GLT1D1: variants seen among roughly 807,000 people sequenced by gnomAD.
The protein encoded by GLT1D1 is glycosyltransferase 1 domain containing 1, also known as glycosyltransferase 1 domain-containing protein 1.
GLT1D1 carries 21 observed loss-of-function variants against 28.7 expected under a neutral mutation model. The ratio of observed to expected loss-of-function variants is 0.73; its 90% CI spans 0.52 to 1.05. GLT1D1 has a LOEUF of 1.05. GLT1D1 is among the 50% of genes least tolerant of loss of function. The probability of loss-of-function intolerance (pLI) is 0.00; values close to 1 mark genes in which losing one functional copy is unlikely to be tolerated. For missense variants in GLT1D1, 343 were observed against 330.6 expected (o/e 1.04, Z -0.29); for synonymous variants, 147 against 124.8 (o/e 1.18, Z -1.19).
At position 128,888,644 on chromosome 12, in the gene GLT1D1, C is replaced by G. The variant is rs770732594; in HGVS notation, c.223C>G (p.Arg75Gly). The G allele has an allele frequency of 3.1e-6, 5 of 1,608,916 alleles. No individual in the cohort carries two copies. In the South Asian group the frequency reaches 3.3e-5, roughly 11 times the overall value. ...TGACTGTCATCGTTTTGCAGGCCAC[C>G]GAATCCCTTTTGGAGTCATCTTTGG... The change falls in exon 3 of 8, where the codon CGA (arginine) becomes GGA (glycine). Residue 75 changes from arginine (R) to glycine (G), a missense_variant. Arg to Gly is a moderately radical substitution (Grantham distance 125). Coordinates refer to ENST00000281703, the MANE Select transcript of GLT1D1 (RefSeq NM_144669.3).
Position 128,958,824 on chromosome 12 carries a change from A to G in GLT1D1, c.639+1181A>G, listed in dbSNP as rs1206723471. On this transcript the variant is annotated intron_variant, in intron 7 of 7. Coordinates refer to ENST00000281703, the MANE Select transcript of GLT1D1 (RefSeq NM_144669.3). ...TGCCTCTTGTTAGGCAGTAGTAAAT[A>G]AAAATCTTTTTTTTTTTTTTTTTTT... Among the ~76,000 whole-genome samples the G allele has an allele frequency of 4.8e-5, 6 of 123,864 alleles. No individual in the cohort carries two copies. In the Admixed American group the frequency reaches 5.5e-4, roughly 11 times the overall value. The allele number at this position is 123,864 out of a possible 152,430, so 81.3% of individuals were successfully genotyped here.
chr12:128,905,818 T>A (rs1417148121), intron 4 of GLT1D1, among the ~76,000 whole-genome samples: 2 of 146,192 alleles, frequency 1.4e-5, no homozygotes, highest in Non-Finnish European at 3.0e-5. Flanking sequence ...TTATAATATA[T>A]CTTTTAAGTG....
At chr12:128,903,723 T>C (rs191647613) in intron 4 of GLT1D1, among the ~76,000 whole-genome samples, 1 of 151,682 alleles carries the variant, frequency 6.6e-6, no homozygotes, top group Admixed American at 6.6e-5. Context: ...TTTTGGTTTT[T>C]TTAAATATTT....
intron 3 of GLT1D1, among the ~76,000 whole-genome samples, chr12:128,890,646 G>A (rs762207729): frequency 1.3e-4 from 20 of 151,306 alleles, no homozygotes; most frequent in African/African-American, 2.2e-4. Flanking sequence ...TTAGCTGGGT[G>A]TGGTGGTGGG....
chr12:128,977,619 G>A (rs910328448), intron 7 of GLT1D1, among the ~76,000 whole-genome samples: 7 of 152,118 alleles, frequency 4.6e-5, no homozygotes, highest in Non-Finnish European at 7.4e-5. Context: ...TTCACCTGCT[G>A]GGCCCCGGAA....
intron 4 of GLT1D1, among the ~76,000 whole-genome samples, chr12:128,920,686 A>G: frequency 6.6e-6 from 1 of 152,344 alleles, no homozygotes; most frequent in African/African-American, 2.4e-5. Flanking sequence ...TTGGGAGATT[A>G]AGCAATGTGG....
chr12:128,854,019 G>T (rs1213754575), intron 1 of GLT1D1, among the ~76,000 whole-genome samples: 1 of 152,092 alleles, frequency 6.6e-6, no homozygotes, highest in East Asian at 1.9e-4. Flanking sequence ...TCCCGGCGGG[G>T]GCGCGTTTCC....
intron 1 of GLT1D1, among the ~76,000 whole-genome samples, chr12:128,864,352 C>T (rs191744251): frequency 3.9e-5 from 6 of 151,916 alleles, no homozygotes; most frequent in Non-Finnish European, 5.9e-5. Flanking sequence ...GCAGAGGGCC[C>T]CGGAAATCCA....
intron 2 of GLT1D1, among the ~76,000 whole-genome samples, chr12:128,881,593 TAA>T (rs71072416): frequency 1.6e-4 from 16 of 101,636 alleles, no homozygotes; most frequent in Admixed American, 7.3e-4. Flanking sequence ...TATATATATA[TAA>T]AATTTATAGA....
chr12:128,953,120 A>G (rs1031970713), intron 6 of GLT1D1, among the ~76,000 whole-genome samples: 1 of 151,990 alleles, frequency 6.6e-6, no homozygotes, highest in African/African-American at 2.4e-5. Context: ...CGCCCCATTT[A>G]TACCTTCTCT....
chr12:128,946,169 T>C (rs1481401581), intron 5 of GLT1D1, among the ~76,000 whole-genome samples: 1 of 152,028 alleles, frequency 6.6e-6, no homozygotes, highest in Non-Finnish European at 1.5e-5. Flanking sequence ...GGCAGAGCCA[T>C]GAGAGTGGTG....
intron 4 of GLT1D1, among the ~76,000 whole-genome samples, chr12:128,938,203 C>T (rs925952576): frequency 2.0e-5 from 3 of 152,150 alleles, no homozygotes; most frequent in South Asian, 2.1e-4. Flanking sequence ...TTGTAAAAGG[C>T]GGGTAATGAT....
intron 3 of GLT1D1, among the ~76,000 whole-genome samples, chr12:128,897,893 T>C (rs1476640797): frequency 6.6e-6 from 1 of 152,116 alleles, no homozygotes. Flanking sequence ...GGTCTCGATC[T>C]CCTGACCTTG....
chr12:128,875,999 T>G lies in GLT1D1; in HGVS notation c.154T>G (p.Leu52Val). 6.2e-7 allele frequency: 1 copy of G among 1,614,040 alleles called. No individual in the cohort carries two copies. The highest frequency in any genetic ancestry group is 8.5e-7 in the Non-Finnish European group (1 of 1,179,906). Residue 52 changes from leucine to valine, a missense_variant, in exon 2 of 8, where the codon TTG becomes GTG. By Grantham distance (32) the Leu-to-Val change is conservative. Coordinates refer to ENST00000281703, the MANE Select transcript of GLT1D1 (RefSeq NM_144669.3). ...CCGATCTGAGATTGCAAACCTCATC[T>G]TGGCTGAGAACTGCGAGGCTGCCCT... is the stretch of plus-strand genomic sequence containing the variant.
intron 4 of GLT1D1, among the ~76,000 whole-genome samples, chr12:128,943,619 A>G (rs1875623939): frequency 1.3e-5 from 2 of 152,262 alleles, no homozygotes; most frequent in South Asian, 4.1e-4. Context: ...AAGTCATCTT[A>G]AAGTAATATT....
chr12:128,853,566 G>GGGCGGC lies in GLT1D1; in HGVS notation c.-6_-1dup, dbSNP rs754428709. On this transcript the variant is annotated 5_prime_UTR_variant, in exon 1 of 8. Transcript: ENST00000281703. Reference sequence around the variant, plus strand: ...CGGCGGCGGGGCCGGTCGATGGCCCGGGCGGCGGCGGCGGCATGCGGCTCC... The same window carrying GGGCGGC: ...CGGCGGCGGGGCCGGTCGATGGCCCGGGCGGCGGCGGCGGCGGCGGCATGCGGCTCC... 11 of 1,092,894 alleles carry GGGCGGC rather than the reference G, an allele frequency of 1.0e-5. No homozygotes were observed. Among genetic ancestry groups the GGGCGGC allele is most frequent in the African/African-American group, 3.4e-5 (2 of 59,130 alleles). The allele number at this position is 1,092,894 out of a possible 1,614,324, so 67.7% of individuals were successfully genotyped here.
intron 1 of GLT1D1, among the ~76,000 whole-genome samples, chr12:128,870,015 A>G (rs1956642917): frequency 6.7e-6 from 1 of 149,972 alleles, no homozygotes. Flanking sequence ...GGTTCAAGCA[A>G]TTCTCCTGCC....
rs538194112 is a variant in GLT1D1, at chr12:128,864,500, C to T, written c.68+10851C>T. ...TTGGCACCTGAAGGTCCGTGGAGAT[C>T]TTGTCTGATCTTGTTCCGCAGGAGT... On this transcript the variant is annotated intron_variant, in intron 1 of 7. Coordinates refer to ENST00000281703, the MANE Select transcript of GLT1D1 (RefSeq NM_144669.3). 1.3e-4 allele frequency among the ~76,000 whole-genome samples: 20 copies of T among 152,316 alleles called. No individual in the cohort carries two copies. The South Asian group carries it at 4.1e-3, about 32-fold the overall frequency.
At chr12:128,974,953 T>G (rs1015829920) in intron 7 of GLT1D1, among the ~76,000 whole-genome samples, 1 of 152,242 alleles carries the variant, frequency 6.6e-6, no homozygotes, top group African/African-American at 2.4e-5. Context: ...TCATTGAGGC[T>G]GTTCTCCCCT....
Sources: gnomAD v4.1 joint callset for allele counts (sites outside exome capture counted in the v4.1 genomes callset) on GRCh38, gnomAD v4.1.1 for gene constraint, MANE v1.5 for transcripts, NCBI Gene and HGNC (gene_info 2026-07-23, HGNC 2026-07-21) for gene names.